PAQR8: variants seen among roughly 807,000 people sequenced by gnomAD.
PAQR8 encodes progestin and adipoQ receptor family member 8, also known as membrane progestin receptor beta.
A neutral mutation model predicts 25.2 loss-of-function variants in PAQR8; 17 were observed. That is an observed-to-expected ratio of 0.67 (90% confidence interval 0.46 to 1.01). The LOEUF is 1.01. Ranked by LOEUF, PAQR8 falls within the 50% of genes least tolerant of loss-of-function variation. The pLI is 0.00. For synonymous variants in PAQR8, 204 were observed against 190.6 expected (o/e 1.07, Z -0.58); for missense variants, 392 against 448.4 (o/e 0.87, Z 1.14).
chr6:52,378,636 C>T (rs1255474153), intron 1 of PAQR8, among the ~76,000 whole-genome samples: 1 of 151,710 alleles, frequency 6.6e-6, no homozygotes, highest in Non-Finnish European at 1.5e-5. Flanking sequence ...ACTAAAAATA[C>T]AAAAATTAGC....
chr6:52,365,936 T>C (rs1763346528), intron 1 of PAQR8, among the ~76,000 whole-genome samples: 1 of 152,174 alleles, frequency 6.6e-6, no homozygotes. Context: ...TAAAAGCCTC[T>C]TCTCTAATTT....
chr6:52,383,618 G>A (rs1763591259), intron 1 of PAQR8, among the ~76,000 whole-genome samples: 1 of 135,572 alleles, frequency 7.4e-6, no homozygotes, highest in African/African-American at 2.8e-5. Flanking sequence ...CCGAGATCCC[G>A]CCACTGCACT....
intron 1 of PAQR8, among the ~76,000 whole-genome samples, chr6:52,368,977 A>T (rs1180290508): frequency 6.6e-6 from 1 of 151,938 alleles, no homozygotes; most frequent in Non-Finnish European, 1.5e-5. Context: ...ATTGCTTGGC[A>T]CTCATTCTCT....
chr6:52,363,967 C>T (rs576644584), intron 1 of PAQR8, among the ~76,000 whole-genome samples: 21 of 151,908 alleles, frequency 1.4e-4, no homozygotes, highest in Middle Eastern at 3.4e-3. Flanking sequence ...TACATTAACC[C>T]ATCTTGTATT....
chr6:52,376,575 A>G (rs566204857), intron 1 of PAQR8, among the ~76,000 whole-genome samples: 10 of 152,222 alleles, frequency 6.6e-5, no homozygotes, highest in Non-Finnish European at 1.2e-4. Context: ...AAAAACCCAT[A>G]TAGGTTAGAC....
intron 1 of PAQR8, among the ~76,000 whole-genome samples, chr6:52,388,402 G>A (rs947259748): frequency 1.3e-5 from 2 of 151,138 alleles, no homozygotes; most frequent in African/African-American, 4.9e-5. Context: ...AGCAATAAAT[G>A]TAATGGGTTT....
intron 1 of PAQR8, among the ~76,000 whole-genome samples, chr6:52,398,304 T>G (rs1763791905): frequency 6.6e-6 from 1 of 151,428 alleles, no homozygotes; most frequent in Admixed American, 6.6e-5. Context: ...CCTCTCTGGT[T>G]CAAGTGATTC....
At chr6:52,365,050 C>G (rs78454814) in intron 1 of PAQR8, among the ~76,000 whole-genome samples, 1 of 152,066 alleles carries the variant, frequency 6.6e-6, no homozygotes, top group East Asian at 1.9e-4. Flanking sequence ...CTTTGCCCCT[C>G]CTGATACTTG....
intron 1 of PAQR8, among the ~76,000 whole-genome samples, chr6:52,400,181 A>G (rs9357731): frequency 0.046 from 7,077 of 152,282 alleles, 216 homozygotes; most frequent in South Asian, 0.089. Context: ...TTCCTGGTAG[A>G]AGACCACTGT....
At position 52,404,443 on chromosome 6, in the gene PAQR8, G is replaced by T. The variant is rs898806896; in HGVS notation, c.*165G>T. ...AGCCAAAGGATTTAAGAGTTTTGTT[G>T]TTGTTAATAAAAGGAATACTCCTTT... On this transcript the variant is annotated 3_prime_UTR_variant, in exon 2 of 2. Transcript: ENST00000442253. 4.7e-5 allele frequency: 33 copies of T among 709,366 alleles called. No individual in the cohort carries two copies. In the African/African-American group the frequency reaches 5.6e-4, roughly 12 times the overall value. The allele number at this position is 709,366 out of a possible 1,614,324, so 43.9% of individuals were successfully genotyped here.
intron 1 of PAQR8, among the ~76,000 whole-genome samples, chr6:52,366,919 T>G (rs1196545938): frequency 6.6e-6 from 1 of 151,978 alleles, no homozygotes; most frequent in Non-Finnish European, 1.5e-5. Context: ...CCAGCTAATT[T>G]TTGTATTTTT....
intron 1 of PAQR8, among the ~76,000 whole-genome samples, chr6:52,375,716 CAG>C (rs1763477683): frequency 6.6e-6 from 1 of 151,922 alleles, no homozygotes; most frequent in Non-Finnish European, 1.5e-5. Context: ...TTTGTAGAGA[CAG>C]GGTCTGTGTT....
chr6:52,392,732 T>C (rs1160546322), intron 1 of PAQR8, among the ~76,000 whole-genome samples: 1 of 152,240 alleles, frequency 6.6e-6, no homozygotes, highest in African/African-American at 2.4e-5. Flanking sequence ...ACACCAGTTC[T>C]GTAAAGCTAG....
chr6:52,380,414 A>C (rs1024190989), intron 1 of PAQR8, among the ~76,000 whole-genome samples: 1 of 152,240 alleles, frequency 6.6e-6, no homozygotes, highest in Non-Finnish European at 1.5e-5. Flanking sequence ...CATTTGGAAA[A>C]ACAATCCAGG....
intron 1 of PAQR8, among the ~76,000 whole-genome samples, chr6:52,363,482 C>T (rs968652966): frequency 1.3e-5 from 2 of 152,196 alleles, no homozygotes; most frequent in African/African-American, 4.8e-5. Flanking sequence ...ATACAATACA[C>T]TGTATGTGTG....
At chr6:52,375,093 CAGT>C (rs1406718190) in intron 1 of PAQR8, among the ~76,000 whole-genome samples, 1 of 151,984 alleles carries the variant, frequency 6.6e-6, no homozygotes, top group Non-Finnish European at 1.5e-5. Context: ...GTGGGAAAAA[CAGT>C]AGACGACAAG....
At chr6:52,396,194 G>C (rs1318873731) in intron 1 of PAQR8, among the ~76,000 whole-genome samples, 1 of 152,194 alleles carries the variant, frequency 6.6e-6, no homozygotes, top group African/African-American at 2.4e-5. Context: ...ACTGGGAGAG[G>C]CAAGGCCAGA....
At chr6:52,379,870 G>A (rs1319057196) in intron 1 of PAQR8, among the ~76,000 whole-genome samples, 4 of 151,912 alleles carry the variant, frequency 2.6e-5, no homozygotes, top group Admixed American at 6.6e-5. Flanking sequence ...CTCGTGATCC[G>A]CCTGTCTCGG....
intron 1 of PAQR8, among the ~76,000 whole-genome samples, chr6:52,389,976 C>A (rs1223344174): frequency 6.6e-6 from 1 of 152,132 alleles, no homozygotes; most frequent in Non-Finnish European, 1.5e-5. Flanking sequence ...TAGTTACACT[C>A]ATGTAGAAAG....
Sources: allele counts gnomAD v4.1 joint callset (sites outside exome capture counted in the v4.1 genomes callset), GRCh38; gene constraint gnomAD v4.1.1; transcripts MANE v1.5; gene names NCBI Gene and HGNC (gene_info 2026-07-23, HGNC 2026-07-21).